MSH4: variants seen among roughly 807,000 people sequenced by gnomAD.
MSH4 encodes mutS protein homolog 4.
In MSH4, 106 loss-of-function variants were observed where a neutral mutation model predicts 113.7. The ratio of observed to expected loss-of-function variants is 0.93; its 90% CI spans 0.80 to 1.10. The LOEUF is 1.10. Ranked by LOEUF, MSH4 falls within the 50% of genes least tolerant of loss-of-function variation. The probability of loss-of-function intolerance (pLI) is 0.00; values close to 1 mark genes in which losing one functional copy is unlikely to be tolerated. For synonymous variants in MSH4, 368 were observed against 380.2 expected (o/e 0.97, Z 0.37); for missense variants, 1,061 against 1,093.7 (o/e 0.97, Z 0.42).
intron 7 of MSH4, among the ~76,000 whole-genome samples, chr1:75,842,135 C>T (rs557566945): frequency 1.3e-4 from 20 of 152,212 alleles, no homozygotes; most frequent in African/African-American, 4.6e-4. Context: ...TCAAAGCAGG[C>T]GGTGGGACTT....
chr1:75,820,821 A>C (rs1340426003), intron 6 of MSH4, among the ~76,000 whole-genome samples: 1 of 152,062 alleles, frequency 6.6e-6, no homozygotes, highest in African/African-American at 2.4e-5. Flanking sequence ...CCATTACATA[A>C]TGGTAAAGGG....
At chr1:75,833,126 T>G (rs1650743242) in intron 7 of MSH4, among the ~76,000 whole-genome samples, 1 of 152,098 alleles carries the variant, frequency 6.6e-6, no homozygotes, top group Non-Finnish European at 1.5e-5. Flanking sequence ...TCACAAGCAC[T>G]CCTAAACACC....
At chr1:75,826,356 T>G (rs1650553012) in intron 7 of MSH4, among the ~76,000 whole-genome samples, 1 of 152,212 alleles carries the variant, frequency 6.6e-6, no homozygotes, top group African/African-American at 2.4e-5. Context: ...CTTCTCCCTT[T>G]TCTTCTTTAT....
At chr1:75,902,036 A>G (rs1184065386) in intron 19 of MSH4, among the ~76,000 whole-genome samples, 1 of 151,862 alleles carries the variant, frequency 6.6e-6, no homozygotes, top group African/African-American at 2.4e-5. Context: ...TCATCCATAT[A>G]ATTTTTATTT....
chr1:75,873,833 G>T (rs1651762340), intron 9 of MSH4, among the ~76,000 whole-genome samples: 1 of 151,972 alleles, frequency 6.6e-6, no homozygotes, highest in African/African-American at 2.4e-5. Flanking sequence ...ACGGGTATTT[G>T]GTTGATTCCA....
At chr1:75,821,287 A>G (rs1356603128) in intron 6 of MSH4, among the ~76,000 whole-genome samples, 1 of 152,146 alleles carries the variant, frequency 6.6e-6, no homozygotes, top group Non-Finnish European at 1.5e-5. Context: ...AAACTGAACA[A>G]CCTGCTCCTG....
intron 4 of MSH4, among the ~76,000 whole-genome samples, chr1:75,814,766 TA>T (rs1266544232): frequency 6.6e-6 from 1 of 152,152 alleles, no homozygotes. Context: ...CTGTCATGTT[TA>T]TTTTTTATTA....
At chr1:75,864,364 T>C (rs1651519601) in intron 8 of MSH4, among the ~76,000 whole-genome samples, 1 of 152,208 alleles carries the variant, frequency 6.6e-6, no homozygotes, top group African/African-American at 2.4e-5. Context: ...CATATGTTTT[T>C]ATTTGGTATA....
chr1:75,864,833 G>A (rs74090781), intron 8 of MSH4, among the ~76,000 whole-genome samples: 1,972 of 152,200 alleles, frequency 0.013, 44 homozygotes, highest in African/African-American at 0.045. Context: ...TACCCACATT[G>A]CCTTGGTATT....
At chr1:75,827,600 A>G (rs1184246666) in intron 7 of MSH4, among the ~76,000 whole-genome samples, 2 of 151,802 alleles carry the variant, frequency 1.3e-5, no homozygotes, top group African/African-American at 2.4e-5. Context: ...CCCATCTCAC[A>G]TGCAAAGACA....
At chr1:75,861,217 T>C (rs957851455) in intron 8 of MSH4, among the ~76,000 whole-genome samples, 5 of 152,342 alleles carry the variant, frequency 3.3e-5, no homozygotes, top group African/African-American at 1.2e-4. Context: ...CCTGCTCCTT[T>C]AGCTTGGAGA....
intron 9 of MSH4, among the ~76,000 whole-genome samples, chr1:75,868,728 G>A (rs1651644645): frequency 1.3e-5 from 2 of 152,126 alleles, no homozygotes; most frequent in South Asian, 4.1e-4. Context: ...AAGGTCTGAT[G>A]GTTTTATAAA....
intron 7 of MSH4, among the ~76,000 whole-genome samples, chr1:75,843,955 G>A (rs1651023579): frequency 6.6e-6 from 1 of 152,088 alleles, no homozygotes; most frequent in Non-Finnish European, 1.5e-5. Flanking sequence ...GGGATTACAG[G>A]CATGCACCAC....
chr1:75,897,956 C>T lies in MSH4; in HGVS notation c.2405C>T (p.Ala802Val). The T allele has an allele frequency of 6.3e-7, 1 of 1,597,986 alleles. No individual in the cohort carries two copies. The change falls in exon 18 of 20, where the codon GCC becomes GTC. Residue 802 changes from alanine to valine, a missense_variant. Physicochemically the swap from Ala to Val is moderately conservative, Grantham distance 64. Coordinates refer to ENST00000263187, the MANE Select transcript of MSH4 (RefSeq NM_002440.4). ...TTCCTGGAACTATGCCATATTGATGCCCTGTATCCTAATGTAGAAAACATG... is the reference window on the plus strand; with the variant it reads ...TTCCTGGAACTATGCCATATTGATGTCCTGTATCCTAATGTAGAAAACATG... Reference protein sequence around the residue: ...THFLELCHIDALYPNVENMHF... With the variant: ...THFLELCHIDVLYPNVENMHF...
chr1:75,871,800 T>G (rs1651717035), intron 9 of MSH4, among the ~76,000 whole-genome samples: 1 of 152,226 alleles, frequency 6.6e-6, no homozygotes, highest in Non-Finnish European at 1.5e-5. Flanking sequence ...CATTACAGTA[T>G]TATTTATTTA....
intron 17 of MSH4, among the ~76,000 whole-genome samples, chr1:75,892,310 G>T (rs1652272997): frequency 6.6e-6 from 1 of 151,998 alleles, no homozygotes; most frequent in Non-Finnish European, 1.5e-5. Context: ...CTTGGTACTT[G>T]TTAGCCTTCA....
chr1:75,806,931 A>G, intron 2 of MSH4, 50 bp from the exon 3 acceptor site: 2 of 1,460,212 alleles, frequency 1.4e-6, no homozygotes, highest in Non-Finnish European at 1.8e-6. Flanking sequence ...TTAAAAAAAG[A>G]AATGATTATT....
At chr1:75,899,526 A>G in intron 18 of MSH4, 92 bp from the exon 19 acceptor site, 1 of 642,910 alleles carries the variant, frequency 1.6e-6, no homozygotes, top group Non-Finnish European at 2.5e-6. Context: ...GGAAGTTTAA[A>G]TCTGTGACTA....
chr1:75,890,711 C>T lies in MSH4; in HGVS notation c.2242C>T (p.His748Tyr). ...KEMKEIAYIL[H>Y]NANDKSLILI... ...TATATTTCAGATAGCATATATTCTA[C>T]ATAATGCTAATGACAAATCGCTCAT... Residue 748 changes from histidine (H) to tyrosine (Y), a missense_variant, in exon 17 of 20, where the codon CAT (histidine) becomes TAT (tyrosine). Coordinates refer to ENST00000263187, the MANE Select transcript of MSH4 (RefSeq NM_002440.4). The T allele has an allele frequency of 6.4e-7, 1 of 1,562,724 alleles. No individual in the cohort carries two copies.
Sources: allele counts gnomAD v4.1 joint callset (sites outside exome capture counted in the v4.1 genomes callset), GRCh38; gene constraint gnomAD v4.1.1; transcripts MANE v1.5; gene names NCBI Gene and HGNC (gene_info 2026-07-23, HGNC 2026-07-21).